Variants in RALGPS1 observed in about 807,000 individuals in gnomAD.
The protein encoded by RALGPS1 is Ral GEF with PH domain and SH3 binding motif 1.
In RALGPS1, 19 loss-of-function variants were observed where a neutral mutation model predicts 78.8. That is an observed-to-expected ratio of 0.24 (90% CI 0.17 to 0.35). The LOEUF is 0.35. Among genes scored for constraint, RALGPS1 ranks in the 10% least tolerant of loss-of-function variants. The probability of loss-of-function intolerance (pLI) is 1.00; values close to 1 mark genes in which losing one functional copy is unlikely to be tolerated. For missense variants in RALGPS1, 454 were observed against 688.3 expected, an observed-to-expected ratio of 0.66 and a Z score of 3.81; for synonymous variants, 228 against 256.3, an observed-to-expected ratio of 0.89 and a Z score of 1.06.
Position 127,069,368 on chromosome 9 carries a change from A to G in RALGPS1, c.610+12A>G. 1.2e-6 allele frequency: 2 copies of G among 1,612,458 alleles called. No homozygotes were observed. The highest frequency in any genetic ancestry group is 1.7e-6 in the Non-Finnish European group (2 of 1,179,346). ...TATTCCCTATCTAGGTAGGAGTTTG[A>G]ATTGGCTTATTTTTTTTTAAGAAAC... On this transcript the variant is annotated intron_variant, in intron 8 of 18. Coordinates refer to ENST00000259351, the MANE Select transcript of RALGPS1 (RefSeq NM_014636.3).
chr9:126,968,787 G>A (rs981166440), intron 3 of RALGPS1, among the ~76,000 whole-genome samples: 1 of 152,226 alleles, frequency 6.6e-6, no homozygotes, highest in Non-Finnish European at 1.5e-5. Flanking sequence ...GGTGGCTCAT[G>A]CCTATAATCC....
rs777441104 is a variant in RALGPS1 at position 127,168,743 on chromosome 9, C to G, written c.813C>G (p.Leu271=). ...AGTCCGTACGCTACATTGAAGAGCTCCAGAAGTTTGTGGAAGACGACAACT... is the reference window on the plus strand; with the variant it reads ...AGTCCGTACGCTACATTGAAGAGCTGCAGAAGTTTGTGGAAGACGACAACT... The part of the protein sequence containing the change: ...YLKSVRYIEE[L]QKFVEDDNYK... The change falls in exon 10 of 19, where the codon CTC becomes CTG. Residue 271 remains leucine (L), a synonymous_variant. Coordinates refer to ENST00000259351, the MANE Select transcript of RALGPS1 (RefSeq NM_014636.3). 2.5e-6 allele frequency: 4 copies of G among 1,613,314 alleles called. No individual in the cohort carries two copies. Among genetic ancestry groups the G allele is most frequent in the Non-Finnish European group, 3.4e-6 (4 of 1,179,218 alleles).
intron 4 of RALGPS1, among the ~76,000 whole-genome samples, chr9:126,978,509 T>G (rs948729311): frequency 1.3e-5 from 2 of 150,996 alleles, no homozygotes; most frequent in African/African-American, 4.9e-5. Context: ...ATAGGGAGGC[T>G]GAGGCAGGAG....
chr9:127,180,201 T>C (rs2060129446), intron 11 of RALGPS1, among the ~76,000 whole-genome samples: 1 of 152,190 alleles, frequency 6.6e-6, no homozygotes, highest in Admixed American at 6.5e-5. Context: ...GTAATGTTTG[T>C]GTGTACTTTG....
At chr9:127,204,662 G>A (rs2061835779) in intron 14 of RALGPS1, among the ~76,000 whole-genome samples, 2 of 152,208 alleles carry the variant, frequency 1.3e-5, no homozygotes. Context: ...TCAGAGTGCT[G>A]TGGGGTGGTG....
At chr9:127,054,995 T>TAG (rs1564495128) in intron 7 of RALGPS1, among the ~76,000 whole-genome samples, 112 of 66,172 alleles carry the variant, frequency 1.7e-3, no homozygotes, top group Admixed American at 0.016. Context: ...GAGAGATTGA[T>TAG]TGAGAGAGAG....
At position 126,969,513 on chromosome 9, in the gene RALGPS1, T is replaced by A. The variant is rs540576700; in HGVS notation, c.165+3562T>A. Among the ~76,000 whole-genome samples the A allele has an allele frequency of 2.6e-5, 4 of 152,320 alleles. No individual in the cohort carries two copies. In the South Asian group the frequency reaches 8.3e-4, roughly 32 times the overall value. On this transcript the variant is annotated intron_variant, in intron 3 of 18. Coordinates refer to ENST00000259351, the MANE Select transcript of RALGPS1 (RefSeq NM_014636.3). ...GACAGTATAACACTAGAGCCTGCAC[T>A]CTTAGCCACAAAGCTGTATTGCCTC...
At chr9:127,168,911 C>T (rs1208428495) in intron 10 of RALGPS1, 139 bp downstream of exon 10, 4 of 670,670 alleles carry the variant, frequency 6.0e-6, no homozygotes, top group African/African-American at 3.6e-5. Context: ...ACAGCAGTAG[C>T]GCCCAGGCCC....
intron 8 of RALGPS1, among the ~76,000 whole-genome samples, chr9:127,119,820 A>G (rs1269366369): frequency 6.6e-6 from 1 of 151,994 alleles, no homozygotes; most frequent in Non-Finnish European, 1.5e-5. Flanking sequence ...TTTTTTTGCC[A>G]AGCTCATGAA....
chr9:127,178,959 G>A (rs2060049611), intron 11 of RALGPS1, among the ~76,000 whole-genome samples: 1 of 152,210 alleles, frequency 6.6e-6, no homozygotes, highest in Admixed American at 6.5e-5. Flanking sequence ...CTTGAGGAAG[G>A]GCCCAGTCTA....
chr9:127,179,068 G>C (rs573397477), intron 11 of RALGPS1, among the ~76,000 whole-genome samples: 1 of 152,372 alleles, frequency 6.6e-6, no homozygotes, highest in East Asian at 1.9e-4. Flanking sequence ...GGCAGCTCCA[G>C]AGTGGGCTGA....
chr9:126,926,250 A>G (rs1431549387), intron 1 of RALGPS1, among the ~76,000 whole-genome samples: 1 of 152,224 alleles, frequency 6.6e-6, no homozygotes, highest in Non-Finnish European at 1.5e-5. Context: ...TAAGCATGTA[A>G]TAGGGCTTGA....
At chr9:127,083,004 G>A (rs2051329174) in intron 8 of RALGPS1, among the ~76,000 whole-genome samples, 1 of 152,178 alleles carries the variant, frequency 6.6e-6, no homozygotes, top group African/African-American at 2.4e-5. Flanking sequence ...AGGGTTGGAT[G>A]TGATTTCCGG....
intron 11 of RALGPS1, among the ~76,000 whole-genome samples, chr9:127,182,304 A>G (rs1238006171): frequency 2.0e-5 from 3 of 149,432 alleles, no homozygotes; most frequent in East Asian, 2.0e-4. Context: ...AGTTAAGCCT[A>G]CCTACCTACC....
intron 1 of RALGPS1, among the ~76,000 whole-genome samples, chr9:126,918,719 C>T (rs911717109): frequency 6.8e-6 from 1 of 148,082 alleles, no homozygotes; most frequent in Non-Finnish European, 1.5e-5. Context: ...GTTGCCCAGG[C>T]TGGAGTGCAA....
At chr9:127,197,996 A>G (rs1169907435) in intron 13 of RALGPS1, among the ~76,000 whole-genome samples, 4 of 152,206 alleles carry the variant, frequency 2.6e-5, no homozygotes, top group African/African-American at 9.7e-5. Flanking sequence ...GCTGTTTTAT[A>G]TCCAGAAAAC....
At chr9:127,127,924 G>A (rs1041000917) in intron 8 of RALGPS1, among the ~76,000 whole-genome samples, 1 of 152,106 alleles carries the variant, frequency 6.6e-6, no homozygotes, top group East Asian at 1.9e-4. Flanking sequence ...TGTGCACAAC[G>A]TGCAGGTTTT....
chr9:127,096,554 C>T (rs183733792), intron 8 of RALGPS1, among the ~76,000 whole-genome samples: 227 of 152,306 alleles, frequency 1.5e-3, no homozygotes, highest in African/African-American at 5.1e-3. Context: ...CAGTTGGCCT[C>T]GTGGCTCCAG....
intron 4 of RALGPS1, among the ~76,000 whole-genome samples, chr9:127,018,994 A>C (rs1395766860): frequency 6.6e-6 from 1 of 152,262 alleles, no homozygotes; most frequent in African/African-American, 2.4e-5. Flanking sequence ...ATAAATGGTC[A>C]AAATTAATTT....
Sources: allele counts gnomAD v4.1 joint callset (sites outside exome capture counted in the v4.1 genomes callset), GRCh38; gene constraint gnomAD v4.1.1; transcripts MANE v1.5; gene names NCBI Gene and HGNC (gene_info 2026-07-23, HGNC 2026-07-21).